The following NR3C1 variants were observed in gnomAD, a reference collection of about 807,000 sequenced individuals.
NR3C1 encodes nuclear receptor subfamily 3 group C member 1, also known as glucocorticoid receptor.
NR3C1 carries 14 observed loss-of-function variants against 74.0 expected under a neutral mutation model. The ratio of observed to expected loss-of-function variants is 0.19; its 90% CI spans 0.12 to 0.30. The LOEUF (loss-of-function observed/expected upper bound fraction) is 0.30. Among genes scored for constraint, NR3C1 ranks in the 10% least tolerant of loss-of-function variants. The probability of loss-of-function intolerance (pLI) is 1.00; values close to 1 mark genes in which losing one functional copy is unlikely to be tolerated. For synonymous variants in NR3C1, 308 were observed against 332.5 expected, an observed-to-expected ratio of 0.93 and a Z score of 0.80; for missense variants, 695 against 909.8, an observed-to-expected ratio of 0.76 and a Z score of 3.04.
At chr5:143,395,419 ACT>A (rs1245690412) in intron 2 of NR3C1, among the ~76,000 whole-genome samples, 1 of 151,500 alleles carries the variant, frequency 6.6e-6, no homozygotes. Flanking sequence ...TTTCTTGAAA[ACT>A]CTTTATGCAA....
chr5:143,404,221 G>A (rs1161489798), upstream of NR3C1: 39 of 985,258 alleles, frequency 4.0e-5, no homozygotes, highest in Non-Finnish European at 4.7e-5. Context: ...CCGCCGGGCC[G>A]AGTTGCGTGA....
chr5:143,426,264 A>G (rs900989259), intron 1 of NR3C1, among the ~76,000 whole-genome samples: 1 of 152,172 alleles, frequency 6.6e-6, no homozygotes, highest in African/African-American at 2.4e-5. Flanking sequence ...ACCAGAGTTT[A>G]TTGTTGGTGT....
intron 7 of NR3C1, among the ~76,000 whole-genome samples, chr5:143,288,352 TTGA>T (rs1348867847): frequency 1.3e-5 from 2 of 151,898 alleles, no homozygotes; most frequent in African/African-American, 2.4e-5. Flanking sequence ...AACTCCTGAC[TTGA>T]TGATCTGCCC....
At chr5:143,428,907 T>C (rs1350484371) in intron 1 of NR3C1, among the ~76,000 whole-genome samples, 1 of 152,200 alleles carries the variant, frequency 6.6e-6, no homozygotes, top group Non-Finnish European at 1.5e-5. Context: ...CTTATTACTT[T>C]AGGGCACACA....
chr5:143,429,253 C>T (rs1199844657), intron 1 of NR3C1, among the ~76,000 whole-genome samples: 2 of 152,168 alleles, frequency 1.3e-5, no homozygotes, highest in African/African-American at 2.4e-5. Flanking sequence ...GCCCAGGTTA[C>T]ACAATAGGAA....
intron 7 of NR3C1, among the ~76,000 whole-genome samples, chr5:143,292,793 C>T (rs541087562): frequency 1.1e-4 from 16 of 152,236 alleles, no homozygotes; most frequent in East Asian, 1.9e-4. Context: ...GTCTTCCTGG[C>T]TTCAGTGGCA....
intron 1 of NR3C1, among the ~76,000 whole-genome samples, chr5:143,422,541 G>A (rs984681571): frequency 6.6e-6 from 1 of 152,126 alleles, no homozygotes; most frequent in African/African-American, 2.4e-5. Flanking sequence ...TTGGTCATGA[G>A]GGCAGAGCCC....
chr5:143,319,651 G>C (rs924185746), intron 2 of NR3C1, among the ~76,000 whole-genome samples: 2 of 152,058 alleles, frequency 1.3e-5, no homozygotes, highest in Non-Finnish European at 2.9e-5. Flanking sequence ...AATGCTATTG[G>C]CATCTAAGTG....
At chr5:143,423,275 C>A (rs1030591661) in intron 1 of NR3C1, among the ~76,000 whole-genome samples, 8 of 152,092 alleles carry the variant, frequency 5.3e-5, no homozygotes, top group African/African-American at 1.4e-4. Flanking sequence ...GTTGTGTAAA[C>A]AACTCAATAG....
At chr5:143,332,314 T>G (rs1270839329) in intron 2 of NR3C1, among the ~76,000 whole-genome samples, 1 of 145,254 alleles carries the variant, frequency 6.9e-6, no homozygotes, top group African/African-American at 2.5e-5. Flanking sequence ...CTTTGAGTGT[T>G]TTTTTTTTTT....
In NR3C1 at chr5:143,279,350, T is replaced by C; in HGVS notation, c.*2539A>G. On this transcript the variant is annotated 3_prime_UTR_variant, in exon 9 of 9. Coordinates refer to ENST00000394464, the MANE Select transcript of NR3C1 (RefSeq NM_000176.3). Reference sequence around the variant, plus strand: ...AGTTCTATTTTTTGAGCGCCAAGATTGTTGGGATGAAAATCAGATTAATGT... The same window carrying C: ...AGTTCTATTTTTTGAGCGCCAAGATCGTTGGGATGAAAATCAGATTAATGT... 6.4e-7 allele frequency: 1 copy of C among 1,550,824 alleles called. No homozygotes were observed. The highest frequency in any genetic ancestry group is 8.7e-7 in the Non-Finnish European group (1 of 1,147,954).
upstream of NR3C1, among the ~76,000 whole-genome samples, chr5:143,408,630 C>T (rs1483566635): frequency 6.6e-6 from 1 of 151,936 alleles, no homozygotes; most frequent in Non-Finnish European, 1.5e-5. Context: ...GTTTCATATA[C>T]ACCTTATAGC....
chr5:143,382,237 C>A (rs987597005), intron 2 of NR3C1, among the ~76,000 whole-genome samples: 1 of 152,066 alleles, frequency 6.6e-6, no homozygotes, highest in African/African-American at 2.4e-5. Context: ...AATTATATAT[C>A]ACCCCCACAA....
intron 2 of NR3C1, among the ~76,000 whole-genome samples, chr5:143,376,448 C>T (rs186562407): frequency 7.9e-5 from 12 of 152,176 alleles, no homozygotes; most frequent in Non-Finnish European, 1.3e-4. Context: ...TATATGTCCA[C>T]GTTCCTTCTC....
At position 143,400,245 on chromosome 5, in the gene NR3C1, A is replaced by G. The variant is rs1297350262; in HGVS notation, c.595T>C (p.Phe199Leu). The G allele has an allele frequency of 6.3e-7, 1 of 1,596,664 alleles. No homozygotes were observed. Among genetic ancestry groups the G allele is most frequent in the South Asian group, 1.1e-5 (1 of 88,300 alleles). The change falls in exon 2 of 9, where the codon TTT (phenylalanine) becomes CTT (leucine). Residue 199 changes from phenylalanine to leucine, a missense_variant. Phe to Leu is a conservative substitution (Grantham distance 22, BLOSUM62 0). Coordinates refer to ENST00000394464, the MANE Select transcript of NR3C1 (RefSeq NM_000176.3). ...TCTTTACCTGGGGACCCAGAAGAAA[A>G]CTCCAAATCCTGCAAAATGTCAAAG... ...STFDILQDLE[F>L]SSGSPGKETN...
At chr5:143,426,749 G>A (rs1052965367) in intron 1 of NR3C1, among the ~76,000 whole-genome samples, 1 of 152,152 alleles carries the variant, frequency 6.6e-6, no homozygotes, top group Non-Finnish European at 1.5e-5. Flanking sequence ...CTGTCTCATA[G>A]GTACAAATTA....
At chr5:143,351,154 G>A (rs569458988) in intron 2 of NR3C1, among the ~76,000 whole-genome samples, 9 of 152,092 alleles carry the variant, frequency 5.9e-5, no homozygotes, top group African/African-American at 1.4e-4. Flanking sequence ...GTCTCTCTTC[G>A]AGAACTGTCT....
At chr5:143,316,624 T>TTCTGTTACCTTGGGTAGGTA (rs1367958897) in intron 2 of NR3C1, among the ~76,000 whole-genome samples, 22 of 152,120 alleles carry the variant, frequency 1.4e-4, no homozygotes, top group Non-Finnish European at 5.9e-5. Flanking sequence ...ACTTCACAGC[T>TTCTGTTACCTTGGGTAGGTA]TCTGTTACCT....
intron 3 of NR3C1, among the ~76,000 whole-genome samples, chr5:143,312,117 T>C (rs1821114565): frequency 6.6e-6 from 1 of 152,170 alleles, no homozygotes; most frequent in Non-Finnish European, 1.5e-5. Context: ...TGGTATTCAT[T>C]TTTGTGGTTA....
Sources: gnomAD v4.1 joint callset for allele counts (sites outside exome capture counted in the v4.1 genomes callset) on GRCh38, gnomAD v4.1.1 for gene constraint, MANE v1.5 for transcripts, NCBI Gene and HGNC (gene_info 2026-07-23, HGNC 2026-07-21) for gene names.